TENM2: variants seen among roughly 807,000 people sequenced by gnomAD.
TENM2 encodes teneurin transmembrane protein 2.
TENM2 carries 52 observed loss-of-function variants against 245.2 expected under a neutral mutation model. The ratio of observed to expected loss-of-function variants is 0.21; its 90% CI spans 0.17 to 0.27. The LOEUF (loss-of-function observed/expected upper bound fraction) is 0.27. TENM2 is among the 10% of genes least tolerant of loss of function. The probability of loss-of-function intolerance (pLI) is 1.00; values close to 1 mark genes in which losing one functional copy is unlikely to be tolerated. For synonymous variants in TENM2, 1,363 were observed against 1,438.9 expected (o/e 0.95, Z 1.19); for missense variants, 3,046 against 3,666.8 (o/e 0.83, Z 4.37).
At chr5:167,131,158 T>G in the TENM2 span, among the ~76,000 whole-genome samples, 2 of 152,164 alleles carry the variant, frequency 1.3e-5, no homozygotes, top group Non-Finnish European at 2.9e-5. Flanking sequence ...GGTTAAAACA[T>G]TCTCTGATGG....
At chr5:167,891,937 T>C (rs1360608901) in intron 3 of TENM2, among the ~76,000 whole-genome samples, 2 of 152,176 alleles carry the variant, frequency 1.3e-5, no homozygotes, top group Non-Finnish European at 2.9e-5. Flanking sequence ...AGAGACTTCC[T>C]GGACTTGATT....
intron 27 of TENM2, among the ~76,000 whole-genome samples, chr5:168,256,757 G>A (rs114263109): frequency 1.3e-5 from 2 of 152,164 alleles, no homozygotes; most frequent in South Asian, 4.1e-4. Context: ...CTATTGTTAT[G>A]TGTGTAGATG....
intron 1 of TENM2, among the ~76,000 whole-genome samples, chr5:167,353,113 C>T (rs902694634): frequency 6.6e-6 from 1 of 152,170 alleles, no homozygotes; most frequent in East Asian, 1.9e-4. Flanking sequence ...GGGAGGCTTG[C>T]CCGAAACCAT....
intron 2 of TENM2, among the ~76,000 whole-genome samples, chr5:167,423,779 C>A (rs760691095): frequency 1.9e-4 from 29 of 152,124 alleles, no homozygotes; most frequent in Non-Finnish European, 3.8e-4. Flanking sequence ...TTTTCATTCA[C>A]CCTCGGCCGT....
chr5:167,383,249 T>C (rs969417169), intron 2 of TENM2, among the ~76,000 whole-genome samples: 1 of 152,124 alleles, frequency 6.6e-6, no homozygotes, highest in African/African-American at 2.4e-5. Context: ...AAATGAGCAA[T>C]GTAGACATTT....
At chr5:167,823,819 A>T (rs532597856) in intron 2 of TENM2, among the ~76,000 whole-genome samples, 15 of 152,244 alleles carry the variant, frequency 9.9e-5, no homozygotes, top group Non-Finnish European at 2.2e-4. Flanking sequence ...AGAATTTTCT[A>T]ATTCTCCTGT....
chr5:168,088,632 G>A (rs896800086), intron 7 of TENM2, among the ~76,000 whole-genome samples: 1 of 152,174 alleles, frequency 6.6e-6, no homozygotes, highest in Admixed American at 6.5e-5. Context: ...ATTATCTCAT[G>A]TCATCCTTAT....
intron 2 of TENM2, among the ~76,000 whole-genome samples, chr5:167,674,379 C>A (rs1756167908): frequency 6.6e-6 from 1 of 151,926 alleles, no homozygotes; most frequent in African/African-American, 2.4e-5. Context: ...ATTTGGTGCC[C>A]CCAAAATGTT....
At chr5:168,253,512 G>A (rs1317234834) in intron 27 of TENM2, among the ~76,000 whole-genome samples, 10 of 147,020 alleles carry the variant, frequency 6.8e-5, no homozygotes, top group Non-Finnish European at 1.5e-4. Context: ...TGCAAGCTCC[G>A]CCTCACGGGT....
At chr5:167,192,478 A>G in the TENM2 span, among the ~76,000 whole-genome samples, 1 of 152,054 alleles carries the variant, frequency 6.6e-6, no homozygotes, top group African/African-American at 2.4e-5. Context: ...GGTACTGGAG[A>G]AAGGAGTGTA....
At chr5:167,447,150 T>G (rs1765275629) in intron 2 of TENM2, among the ~76,000 whole-genome samples, 1 of 152,158 alleles carries the variant, frequency 6.6e-6, no homozygotes, top group Non-Finnish European at 1.5e-5. Flanking sequence ...GATCTAAAGC[T>G]TCTGTGTGCC....
the TENM2 span, among the ~76,000 whole-genome samples, chr5:167,264,322 C>A: frequency 1.3e-5 from 2 of 152,150 alleles, no homozygotes; most frequent in Non-Finnish European, 2.9e-5. Flanking sequence ...TGATACTGCT[C>A]ACCCTGGTGG....
intron 2 of TENM2, among the ~76,000 whole-genome samples, chr5:167,811,026 G>A (rs1162346082): frequency 6.6e-6 from 1 of 152,122 alleles, no homozygotes; most frequent in African/African-American, 2.4e-5. Flanking sequence ...ACACGTCTGA[G>A]ACTTATGCTA....
At chr5:168,200,016 C>T (rs896019397) in exon 17 of TENM2, 29 of 1,613,830 alleles carry the variant, frequency 1.8e-5, no homozygotes, top group African/African-American at 1.2e-4. Flanking sequence ...TGGTGGCTGT[C>T]GAGGGGCATC....
chr5:167,887,811 A>T (rs1221409263), intron 3 of TENM2, among the ~76,000 whole-genome samples: 1 of 152,142 alleles, frequency 6.6e-6, no homozygotes. Flanking sequence ...ACTGAATATT[A>T]TTCTGTCACA....
At position 168,228,148 on chromosome 5, in the gene TENM2, A is replaced by C; in HGVS notation, c.5520+18A>C. On this transcript the variant is annotated intron_variant, in intron 25 of 28. Transcript: ENST00000518659. ...AGCTCCGGGTAAGTGGTTCCACCCA[A>C]TCTGTTACCACAGAGTGGGAGGGGA... 7.0e-7 allele frequency: 1 copy of C among 1,425,336 alleles called. No homozygotes were observed. Among genetic ancestry groups the C allele is most frequent in the Non-Finnish European group, 9.2e-7 (1 of 1,085,570 alleles). The allele number at this position is 1,425,336 out of a possible 1,614,324, so 88.3% of individuals were successfully genotyped here.
chr5:167,684,869 T>C (rs1756968321), intron 2 of TENM2, among the ~76,000 whole-genome samples: 1 of 152,204 alleles, frequency 6.6e-6, no homozygotes, highest in Non-Finnish European at 1.5e-5. Context: ...ATATCATAGA[T>C]GAGAGAAAAC....
At chr5:168,145,660 C>T (rs1189711050) in intron 12 of TENM2, among the ~76,000 whole-genome samples, 4 of 152,260 alleles carry the variant, frequency 2.6e-5, no homozygotes, top group Middle Eastern at 3.4e-3. Context: ...CTTGGTGATG[C>T]GAGCTCTTTT....
At chr5:168,246,948 C>A in exon 27 of TENM2, 1 of 1,613,932 alleles carries the variant, frequency 6.2e-7, no homozygotes, top group Non-Finnish European at 8.5e-7. Context: ...ACAGTGATGA[C>A]GGCCGCATCC....
Sources: gnomAD v4.1 joint callset for allele counts (sites outside exome capture counted in the v4.1 genomes callset) on GRCh38, gnomAD v4.1.1 for gene constraint, MANE v1.5 for transcripts, NCBI Gene and HGNC (gene_info 2026-07-23, HGNC 2026-07-21) for gene names.